Variants in CUL4B observed in about 807,000 individuals in gnomAD.
CUL4B encodes cullin 4B.
A neutral mutation model predicts 69.2 loss-of-function variants in CUL4B; 1 was observed. That is an observed-to-expected ratio of 0.01 (90% CI 0.01 to 0.07). CUL4B has a LOEUF of 0.07. CUL4B is among the 10% of genes least tolerant of loss of function. CUL4B has a pLI of 1.00. For missense variants in CUL4B, 328 were observed against 638.8 expected (o/e 0.51, Z 5.24); for synonymous variants, 237 against 223.2 (o/e 1.06, Z -0.55).
chrX:120,533,798 T>C (rs1229389336), intron 17 of CUL4B, among the ~76,000 whole-genome samples: 1 of 111,527 alleles, frequency 9.0e-6, no homozygotes, highest in East Asian at 2.8e-4. Flanking sequence ...CCAGGCGCGG[T>C]GGCTCACACC....
In CUL4B at chrX:120,560,431, AAGG is replaced by A. The variant is rs758045664; in HGVS notation, c.205_207del (p.Pro69del). The stretch of plus-strand genomic sequence containing the variant: ...GGGGATGCCGAATCCCTGGGTTGTA[AAGG>A]AGGAGTGGAAGAGGAGGAAGAGGTG... On this transcript the variant is annotated inframe_deletion, in exon 1 of 20. Transcript: ENST00000371322. The A allele has an allele frequency of 7.4e-6, 9 of 1,208,759 alleles. No homozygotes were observed. Among genetic ancestry groups the A allele is most frequent in the African/African-American group, 7.0e-5 (4 of 57,076 alleles).
intron 11 of CUL4B, among the ~76,000 whole-genome samples, chrX:120,539,588 TG>T (rs777094163): frequency 3.4e-4 from 38 of 111,857 alleles, no homozygotes; most frequent in African/African-American, 1.2e-3. Context: ...CCAAGTGTTC[TG>T]ACTCCAGATC....
At chrX:120,574,075 G>A (rs371699560) in intron 2 of CUL4B, among the ~76,000 whole-genome samples, 1 of 89,918 alleles carries the variant, frequency 1.1e-5, no homozygotes, top group African/African-American at 4.1e-5. Flanking sequence ...GATCCTCCCC[G>A]CCAACCCCTC....
Position 120,560,180 on chromosome X carries a change from A to C in CUL4B, c.459T>G (p.His153Gln). ...SILISSVASV[H>Q]HANGLAKSST... ...AAGATTTGGCTAGGCCGTTTGCATG[A>C]TGCACCGAAGCCACAGAAGAGATTA... Residue 153 changes from histidine to glutamine, a missense_variant, in exon 1 of 20, where the codon CAT (histidine) becomes CAG (glutamine). Around this residue, in one of 4 missense-constraint regions of CUL4B, gnomAD observed 102 missense variants for 122.1 expected, o/e 0.84. Coordinates refer to ENST00000371322, the MANE Select transcript of CUL4B (RefSeq NM_001079872.2). 8.3e-7 allele frequency: 1 copy of C among 1,211,890 alleles called. No individual in the cohort carries two copies. The highest frequency in any genetic ancestry group is 1.1e-6 in the Non-Finnish European group (1 of 895,485).
chrX:120,534,420 T>A (rs1257598112), intron 17 of CUL4B, 61 bp downstream of exon 17: 9 of 767,797 alleles, frequency 1.2e-5, no homozygotes, highest in Non-Finnish European at 1.8e-5. Flanking sequence ...TATAAATATG[T>A]CCCCCAGACC....
At chrX:120,568,545 A>C (rs1312154027), downstream of CUL4B, among the ~76,000 whole-genome samples, 1 of 111,517 alleles carries the variant, frequency 9.0e-6, no homozygotes, top group East Asian at 2.8e-4. Context: ...CAACAGCATT[A>C]TTTCTCTCTC....
chrX:120,537,998 A>C, intron 14 of CUL4B, 126 bp downstream of exon 14: 1 of 499,032 alleles, frequency 2.0e-6, no homozygotes, highest in Non-Finnish European at 3.4e-6. Flanking sequence ...TCTACTGTGA[A>C]TATCACCTCA....
chrX:120,560,649 G>A lies in CUL4B; in HGVS notation c.-11C>T. The stretch of plus-strand genomic sequence containing the variant: ...ACCTGTTGGAAACATGAAAATAGCG[G>A]GGTCAACAGGCAGAGGAGCATCAAA... On this transcript the variant is annotated 5_prime_UTR_variant, in exon 1 of 20. Transcript: ENST00000371322. The A allele has an allele frequency of 8.3e-7, 1 of 1,199,587 alleles. No homozygotes were observed.
At chrX:120,542,271 C>T (rs949686742) in intron 9 of CUL4B, among the ~76,000 whole-genome samples, 2 of 110,931 alleles carry the variant, frequency 1.8e-5, no homozygotes, top group African/African-American at 6.6e-5. Context: ...TGGATATAGC[C>T]TGTGATATAT....
At chrX:120,552,340 G>T (rs1343309817) in intron 2 of CUL4B, among the ~76,000 whole-genome samples, 2 of 112,444 alleles carry the variant, frequency 1.8e-5, no homozygotes, top group East Asian at 5.6e-4. Context: ...TAGAGACTGG[G>T]TTTCACCATG....
chrX:120,534,715 C>A, intron 16 of CUL4B, 129 bp from the exon 17 acceptor site: 1 of 508,998 alleles, frequency 2.0e-6, no homozygotes, highest in Non-Finnish European at 3.5e-6. Context: ...CCAGCAAAGC[C>A]ACTTGACGTG....
chrX:120,562,632 T>C (rs746140557), upstream of CUL4B, among the ~76,000 whole-genome samples: 1 of 111,931 alleles, frequency 8.9e-6, no homozygotes, highest in Non-Finnish European at 1.9e-5. Context: ...CTACAGAGAT[T>C]ATGTTTATGC....
upstream of CUL4B, among the ~76,000 whole-genome samples, chrX:120,566,379 ATATATATATATG>A (rs1925543746): frequency 1.5e-5 from 1 of 65,779 alleles, no homozygotes; most frequent in Non-Finnish European, 3.3e-5. Flanking sequence ...ATATATATAT[ATATATATATATG>A]TATATATATT....
chrX:120,570,738 T>G (rs56144145), downstream of CUL4B, among the ~76,000 whole-genome samples: 17,833 of 111,790 alleles, frequency 0.16, 1,336 homozygotes, highest in South Asian at 0.28. Context: ...CTATACAGCA[T>G]TGAACAATGA....
chrX:120,546,743 T>G (rs1924359021), intron 3 of CUL4B, 127 bp from the exon 4 acceptor site: 2 of 465,369 alleles, frequency 4.3e-6, no homozygotes, highest in South Asian at 7.3e-5. Flanking sequence ...CACTTGATTA[T>G]GCACCAAAGT....
upstream of CUL4B, among the ~76,000 whole-genome samples, chrX:120,565,208 C>G (rs1438783272): frequency 2.7e-5 from 3 of 110,508 alleles, no homozygotes; most frequent in Admixed American, 9.7e-5. Context: ...TAGGTCCTCT[C>G]CAGATATCTC....
intron 2 of CUL4B, among the ~76,000 whole-genome samples, chrX:120,555,479 C>T (rs1924908403): frequency 9.0e-6 from 1 of 111,570 alleles, no homozygotes; most frequent in African/African-American, 3.3e-5. Flanking sequence ...GTTTCAAACA[C>T]TGCACTACAG....
At chrX:120,566,378 T>TATATGTATATATAC (rs1250986194), upstream of CUL4B, among the ~76,000 whole-genome samples, 13 of 81,756 alleles carry the variant, frequency 1.6e-4, no homozygotes, top group Non-Finnish European at 2.7e-4. Flanking sequence ...TATATATATA[T>TATATGTATATATAC]ATATATATAT....
intron 6 of CUL4B, 56 bp downstream of exon 6, chrX:120,544,425 G>A: frequency 8.7e-7 from 1 of 1,146,132 alleles, no homozygotes; most frequent in Non-Finnish European, 1.2e-6. Context: ...GATGTGGGGG[G>A]AAAAAAAACT....
Sources: allele counts gnomAD v4.1 joint callset (sites outside exome capture counted in the v4.1 genomes callset), GRCh38; gene constraint gnomAD v4.1.1; regional missense constraint gnomAD v4.1.1; transcripts MANE v1.5; gene names NCBI Gene and HGNC (gene_info 2026-07-23, HGNC 2026-07-21).